Variants in MAML2 observed in about 807,000 individuals in gnomAD.
MAML2 encodes the protein mastermind-like protein 2.
MAML2 carries 22 observed loss-of-function variants against 96.1 expected under a neutral mutation model. That is an observed-to-expected ratio of 0.23 (90% CI 0.16 to 0.33). MAML2 has a LOEUF of 0.33. MAML2 is among the 10% of genes least tolerant of loss of function. The probability of loss-of-function intolerance (pLI) is 1.00; values close to 1 mark genes in which losing one functional copy is unlikely to be tolerated. For synonymous variants in MAML2, 561 were observed against 521.3 expected, an observed-to-expected ratio of 1.08 and a Z score of -1.04; for missense variants, 1,367 against 1,392.4, an observed-to-expected ratio of 0.98 and a Z score of 0.29.
At chr11:96,173,701 A>G (rs1467047738) in intron 1 of MAML2, among the ~76,000 whole-genome samples, 1 of 152,238 alleles carries the variant, frequency 6.6e-6, no homozygotes, top group Non-Finnish European at 1.5e-5. Flanking sequence ...CAGCGATGGC[A>G]GAGGCCACAG....
intron 1 of MAML2, among the ~76,000 whole-genome samples, chr11:96,231,889 C>G (rs989551011): frequency 6.6e-6 from 1 of 152,158 alleles, no homozygotes; most frequent in Non-Finnish European, 1.5e-5. Flanking sequence ...CCTGACTAGT[C>G]GCTTTTGCCT....
chr11:96,242,448 A>G (rs1449907299), intron 1 of MAML2, among the ~76,000 whole-genome samples: 3 of 152,246 alleles, frequency 2.0e-5, no homozygotes, highest in Admixed American at 6.5e-5. Context: ...AGATTTCCTT[A>G]AGGCTGTAAA....
In MAML2 at chr11:95,979,227, C is replaced by A; in HGVS notation, c.3192G>T (p.Gln1064His). The A allele has an allele frequency of 1.2e-6, 2 of 1,613,996 alleles. No homozygotes were observed. The highest frequency in any genetic ancestry group is 8.5e-7 in the Non-Finnish European group (1 of 1,179,898). ...TCGACTGATTCAACCCTGTTCCTGA[C>A]TGATTCAAATTAGGCAAAATCTGTG... ...LSTQILPNLNQSGTGLNQSRT... is the reference protein window; with the variant it reads ...LSTQILPNLNHSGTGLNQSRT... The change falls in exon 5 of 5, where the codon CAG becomes CAT. Residue 1064 changes from glutamine (Q) to histidine (H), a missense_variant. By Grantham distance (24) the Gln-to-His change is conservative. Coordinates refer to ENST00000524717, the MANE Select transcript of MAML2 (RefSeq NM_032427.4).
intron 2 of MAML2, among the ~76,000 whole-genome samples, chr11:96,036,076 C>T (rs1565195666): frequency 6.6e-6 from 1 of 152,022 alleles, no homozygotes; most frequent in Non-Finnish European, 1.5e-5. Flanking sequence ...AAAACTTTAC[C>T]ACAGTATTAT....
chr11:96,017,608 C>A (rs192449207), intron 2 of MAML2, among the ~76,000 whole-genome samples: 1 of 152,112 alleles, frequency 6.6e-6, no homozygotes, highest in Admixed American at 6.5e-5. Flanking sequence ...GGGCTGGAGG[C>A]GGGGTGTGTT....
rs190077907 is a variant in MAML2, at chr11:96,218,657, T to G, written c.513+122726A>C. Among the ~76,000 whole-genome samples, 20 of 152,342 alleles carry G rather than the reference T, an allele frequency of 1.3e-4. No individual in the cohort carries two copies. The East Asian group carries it at 3.5e-3, about 26-fold the overall frequency. ...TTTTTCTTTTTGTTTTTTAGTTTAT[T>G]TGAGGTCTTCACATAGAAGAGTATT... On this transcript the variant is annotated intron_variant, in intron 1 of 4. Transcript: ENST00000524717.
rs143187087 is a variant in MAML2, at chr11:96,053,794, A to G, written c.2139+38098T>C. Among the ~76,000 whole-genome samples, 1,479 of 152,308 alleles carry G rather than the reference A, an allele frequency of 9.7e-3. 15 individuals carry two copies. Among genetic ancestry groups the G allele is most frequent in the Admixed American group, 0.014 (221 of 15,294 alleles). ...TCCTTAGCGGTGGCTGATGTGAGAC[A>G]TTAACATACCAATAAGTCATGTGGG... On this transcript the variant is annotated intron_variant, in intron 2 of 4. Coordinates refer to ENST00000524717, the MANE Select transcript of MAML2 (RefSeq NM_032427.4).
chr11:96,071,398 A>G (rs569956675), intron 2 of MAML2, among the ~76,000 whole-genome samples: 1 of 152,368 alleles, frequency 6.6e-6, no homozygotes, highest in African/African-American at 2.4e-5. Context: ...CTAAACTTGG[A>G]ATTATTTTGA....
intron 1 of MAML2, among the ~76,000 whole-genome samples, chr11:96,326,713 C>T (rs1173149663): frequency 2.6e-5 from 4 of 151,214 alleles, no homozygotes; most frequent in East Asian, 1.9e-4. Context: ...GGCAGTGAGC[C>T]GAGATCGCAC....
At chr11:96,070,341 T>A (rs1453027406) in intron 2 of MAML2, among the ~76,000 whole-genome samples, 1 of 152,132 alleles carries the variant, frequency 6.6e-6, no homozygotes, top group East Asian at 1.9e-4. Flanking sequence ...AAAACAGGGC[T>A]GAAACATGCC....
At chr11:96,122,085 C>T (rs895381698) in intron 1 of MAML2, among the ~76,000 whole-genome samples, 7 of 149,950 alleles carry the variant, frequency 4.7e-5, no homozygotes, top group African/African-American at 1.7e-4. Context: ...GCTCGGATTA[C>T]AGGCGTGAGC....
In MAML2 at chr11:96,012,071, C is replaced by G. The variant is rs142974841; in HGVS notation, c.2140-20348G>C. Reference sequence around the variant, plus strand: ...AAACATTTGCTAAAATTTCATAAATCTCATATGCCAAAATTCAGCTGAGCC... The same window carrying G: ...AAACATTTGCTAAAATTTCATAAATGTCATATGCCAAAATTCAGCTGAGCC... On this transcript the variant is annotated intron_variant, in intron 2 of 4. Transcript: ENST00000524717. 2.2e-3 allele frequency among the ~76,000 whole-genome samples: 328 copies of G among 152,280 alleles called. 2 individuals are homozygous for G. The highest frequency in any genetic ancestry group is 7.6e-3 in the African/African-American group (315 of 41,544).
At chr11:96,154,941 G>A (rs1472583819) in intron 1 of MAML2, among the ~76,000 whole-genome samples, 2 of 152,178 alleles carry the variant, frequency 1.3e-5, no homozygotes, top group African/African-American at 2.4e-5. Flanking sequence ...GTAACACTCC[G>A]GCCTCTTGGC....
At position 96,036,128 on chromosome 11, in the gene MAML2, T is replaced by A. The variant is rs541497631; in HGVS notation, c.2140-44405A>T. Reference sequence around the variant, plus strand: ...TTTTTGTGGAAAACATAGCTATTCTTTGAGATGCTACACATGTAATTCTAT... The same window carrying A: ...TTTTTGTGGAAAACATAGCTATTCTATGAGATGCTACACATGTAATTCTAT... On this transcript the variant is annotated intron_variant, in intron 2 of 4. Transcript: ENST00000524717. 2.6e-5 allele frequency among the ~76,000 whole-genome samples: 4 copies of A among 152,312 alleles called. No homozygotes were observed. In the South Asian group the frequency reaches 8.3e-4, roughly 32 times the overall value.
intron 1 of MAML2, among the ~76,000 whole-genome samples, chr11:96,220,948 CAT>C (rs1454781324): frequency 1.3e-5 from 2 of 152,144 alleles, no homozygotes; most frequent in Non-Finnish European, 2.9e-5. Flanking sequence ...AAAACAAATT[CAT>C]TTTTGGATCA....
At chr11:96,256,435 G>C (rs1862670156) in intron 1 of MAML2, among the ~76,000 whole-genome samples, 1 of 152,098 alleles carries the variant, frequency 6.6e-6, no homozygotes, top group Admixed American at 6.6e-5. Context: ...CACAGCCTTT[G>C]CTCTTCCCTC....
chr11:96,116,500 G>C (rs1860244175), intron 1 of MAML2, among the ~76,000 whole-genome samples: 1 of 152,156 alleles, frequency 6.6e-6, no homozygotes, highest in Non-Finnish European at 1.5e-5. Flanking sequence ...TTCTACTCTG[G>C]TCTGACAACA....
chr11:96,190,785 G>A (rs956446914), intron 1 of MAML2, among the ~76,000 whole-genome samples: 4 of 152,132 alleles, frequency 2.6e-5, no homozygotes, highest in African/African-American at 9.7e-5. Flanking sequence ...CTAGCAGGGG[G>A]TCTCATGTGT....
At chr11:96,323,370 C>G (rs1863733548) in intron 1 of MAML2, among the ~76,000 whole-genome samples, 1 of 151,752 alleles carries the variant, frequency 6.6e-6, no homozygotes, top group Admixed American at 6.6e-5. Context: ...AGAATATTCA[C>G]CACAGTAATG....
Sources: gnomAD v4.1 joint callset for allele counts (sites outside exome capture counted in the v4.1 genomes callset) on GRCh38, gnomAD v4.1.1 for gene constraint, MANE v1.5 for transcripts, NCBI Gene and HGNC (gene_info 2026-07-23, HGNC 2026-07-21) for gene names.